The following BICD1 variants were observed in gnomAD, a reference collection of about 807,000 sequenced individuals.
BICD1 encodes the protein BICD cargo adaptor 1, also known as protein bicaudal D homolog 1.
A neutral mutation model predicts 92.5 loss-of-function variants in BICD1; 35 were observed. The ratio of observed to expected loss-of-function variants is 0.38; its 90% CI spans 0.29 to 0.50. BICD1 has a LOEUF of 0.50. BICD1 is among the 20% of genes least tolerant of loss of function. The pLI is 0.93. For missense variants in BICD1, 950 were observed against 1,189.8 expected (o/e 0.80, Z 2.97); for synonymous variants, 429 against 465.1 (o/e 0.92, Z 1.00).
chr12:32,208,074 T>G (rs3850980), intron 1 of BICD1, among the ~76,000 whole-genome samples: 11,651 of 152,294 alleles, frequency 0.077, 527 homozygotes, highest in South Asian at 0.18. Context: ...GGTACGAATT[T>G]TATATCTCTT....
chr12:32,344,557 G>C (rs1592701764), intron 8 of BICD1, among the ~76,000 whole-genome samples: 4 of 152,270 alleles, frequency 2.6e-5, no homozygotes, highest in Non-Finnish European at 5.9e-5. Context: ...GCAGATGAGA[G>C]GTAGTGGAGA....
chr12:32,272,328 A>G (rs987106564), intron 2 of BICD1, among the ~76,000 whole-genome samples: 2 of 152,218 alleles, frequency 1.3e-5, no homozygotes, highest in African/African-American at 4.8e-5. Flanking sequence ...TCAAAATTAC[A>G]AAGTTTTCCA....
rs185307616 is a variant in BICD1 at position 32,169,899 on chromosome 12, A to T, written c.214-46348A>T. On this transcript the variant is annotated intron_variant, in intron 1 of 9. Coordinates refer to ENST00000652176, the MANE Select transcript of BICD1 (RefSeq NM_001714.4). ...GCATGAGCCACTGCGCCTGGCCCCC[A>T]AGATACACTTTCACCAAACTGTGTT... 3.0e-3 allele frequency among the ~76,000 whole-genome samples: 450 copies of T among 152,336 alleles called. 1 individual carries two copies. The highest frequency in any genetic ancestry group is 0.01 in the Middle Eastern group (3 of 294).
intron 2 of BICD1, among the ~76,000 whole-genome samples, chr12:32,267,040 A>C (rs1262888009): frequency 1.3e-5 from 2 of 152,194 alleles, no homozygotes; most frequent in Non-Finnish European, 1.5e-5. Flanking sequence ...TGGTGCCAGC[A>C]CAGGAGTGGC....
chr12:32,322,406 T>G (rs7977938), intron 4 of BICD1, among the ~76,000 whole-genome samples: 37,629 of 152,032 alleles, frequency 0.25, 5,054 homozygotes, highest in East Asian at 0.58. Context: ...GCGGGTGGTC[T>G]GGGGCCATTA....
At chr12:32,182,274 C>CTTTATTTTTTT in intron 1 of BICD1, among the ~76,000 whole-genome samples, 1 of 85,040 alleles carries the variant, frequency 1.2e-5, no homozygotes, top group Non-Finnish European at 2.6e-5. Context: ...TTCTTTCTTT[C>CTTTATTTTTTT]TTTCTTTTTT....
At chr12:32,319,105 T>A (rs1056297542) in intron 4 of BICD1, among the ~76,000 whole-genome samples, 10 of 152,152 alleles carry the variant, frequency 6.6e-5, no homozygotes, top group African/African-American at 2.4e-4. Context: ...TCATTTTACT[T>A]TTTTCTTTCC....
chr12:32,143,910 T>A (rs191880411), intron 1 of BICD1, among the ~76,000 whole-genome samples: 1 of 152,320 alleles, frequency 6.6e-6, no homozygotes, highest in East Asian at 1.9e-4. Flanking sequence ...TTTTCATATT[T>A]TTATTTCGAT....
chr12:32,306,306 C>T (rs1765613573), intron 4 of BICD1, among the ~76,000 whole-genome samples, 184 bp downstream of exon 4: 1 of 152,056 alleles, frequency 6.6e-6, no homozygotes, highest in Non-Finnish European at 1.5e-5. Flanking sequence ...TACAGTGGTG[C>T]AATTTCGGCT....
chr12:32,306,396 A>T (rs1478755621), intron 4 of BICD1, among the ~76,000 whole-genome samples: 3 of 151,834 alleles, frequency 2.0e-5, no homozygotes, highest in Non-Finnish European at 4.4e-5. Context: ...GGTGCCCGCC[A>T]CCATGCCCGG....
In BICD1 at chr12:32,337,902, T is replaced by C; in HGVS notation, c.2570+86T>C. The C allele has an allele frequency of 3.4e-6, 5 of 1,487,740 alleles. No individual in the cohort carries two copies. The highest frequency in any genetic ancestry group is 2.3e-5 in the East Asian group (1 of 43,644). 92.2% of individuals were successfully genotyped at this position (1,487,740 alleles called of 1,614,324 possible). A position where few individuals can be genotyped will look rare whatever the true frequency, so the allele number is the denominator to read the frequency against. On this transcript the variant is annotated intron_variant, in intron 7 of 9. Transcript: ENST00000652176. This position sits in a 1 kb window ranked among gnomAD's most constrained non-coding sequence, Gnocchi z 4.7. ...ATAAATGTGCTCTTGTTGTGGAGGA[T>C]GGAGGAGGGGAAGCAAAAGAAAAAA...
chr12:32,302,399 C>T (rs543799243), intron 3 of BICD1, among the ~76,000 whole-genome samples: 3 of 152,106 alleles, frequency 2.0e-5, no homozygotes, highest in Non-Finnish European at 4.4e-5. Flanking sequence ...CACGGGAGCA[C>T]ACACCAGCCT....
chr12:32,234,606 AAAAGAAAG>A (rs533023539), intron 2 of BICD1, among the ~76,000 whole-genome samples: 27 of 146,732 alleles, frequency 1.8e-4, no homozygotes, highest in Middle Eastern at 7.1e-3. Context: ...CAAAAAAAAA[AAAAGAAAG>A]AAAGAAAGAA....
intron 2 of BICD1, among the ~76,000 whole-genome samples, chr12:32,262,168 G>C (rs78376634): frequency 1.3e-5 from 2 of 152,130 alleles, no homozygotes. Context: ...ACCAGAATCC[G>C]TGAGCACTGT....
chr12:32,107,565 C>A (rs1349155847), intron 1 of BICD1, 21 bp downstream of exon 1: 1 of 1,557,636 alleles, frequency 6.4e-7, no homozygotes. Flanking sequence ...TGTCACCTCT[C>A]CCTTTCCTGG....
rs529827569 is a variant in BICD1 at position 32,329,468 on chromosome 12, T to A, written c.2100+913T>A. 3.3e-5 allele frequency among the ~76,000 whole-genome samples: 5 copies of A among 152,178 alleles called. No individual in the cohort carries two copies. In the South Asian group the frequency reaches 1.0e-3, roughly 32 times the overall value. Reference sequence around the variant, plus strand: ...TAGAGAAACAAGAGCGCTAAATAAATGAATAAGTCAGGGATGAAAGGCAAG... The same window carrying A: ...TAGAGAAACAAGAGCGCTAAATAAAAGAATAAGTCAGGGATGAAAGGCAAG... On this transcript the variant is annotated intron_variant, in intron 5 of 9. Coordinates refer to ENST00000652176, the MANE Select transcript of BICD1 (RefSeq NM_001714.4).
At chr12:32,278,986 C>A (rs1195536700) in intron 2 of BICD1, among the ~76,000 whole-genome samples, 1 of 152,102 alleles carries the variant, frequency 6.6e-6, no homozygotes, top group South Asian at 2.1e-4. Flanking sequence ...GGACAAATGC[C>A]AGCACAATGC....
At chr12:32,373,472 G>A (rs1339906013) in intron 9 of BICD1, among the ~76,000 whole-genome samples, 1 of 152,068 alleles carries the variant, frequency 6.6e-6, no homozygotes, top group African/African-American at 2.4e-5. Flanking sequence ...AAATCATCAC[G>A]AATGATGTAA....
chr12:32,142,187 C>G (rs2121372252), intron 1 of BICD1, among the ~76,000 whole-genome samples: 1 of 152,096 alleles, frequency 6.6e-6, no homozygotes. Flanking sequence ...GGGCGGGTCA[C>G]TAGAGGTCAG....
Sources: allele counts gnomAD v4.1 joint callset (sites outside exome capture counted in the v4.1 genomes callset), GRCh38; gene constraint gnomAD v4.1.1; non-coding constraint Gnocchi (gnomAD v3.1); transcripts MANE v1.5; gene names NCBI Gene and HGNC (gene_info 2026-07-23, HGNC 2026-07-21).